The following DDX56 variants were observed in gnomAD, a reference collection of about 807,000 sequenced individuals.
DDX56 encodes the protein probable ATP-dependent RNA helicase DDX56.
DDX56 carries 45 observed loss-of-function variants against 61.5 expected under a neutral mutation model. The observed-to-expected ratio is 0.73, with a 90% CI of 0.58 to 0.94. DDX56 has a LOEUF of 0.94. Ranked by LOEUF, DDX56 falls within the 40% of genes least tolerant of loss-of-function variation. The pLI is 0.00. For missense variants in DDX56, 708 were observed against 690.7 expected, an observed-to-expected ratio of 1.02 and a Z score of -0.28; for synonymous variants, 273 against 268.3, an observed-to-expected ratio of 1.02 and a Z score of -0.17.
chr7:44,565,946 G>C lies in DDX56; in HGVS notation c.*56C>G. The C allele has an allele frequency of 7.3e-7, 1 of 1,378,836 alleles. No individual in the cohort carries two copies. The highest frequency in any genetic ancestry group is 1.2e-5 in the South Asian group (1 of 83,584). 85.4% of individuals were successfully genotyped at this position (1,378,836 alleles called of 1,614,324 possible). Reference sequence around the variant, plus strand: ...AAGCACCAGAGCCTCGCCTGTCCACGAAGGGTGTAAGCCTGTGCTCCACAA... The same window carrying C: ...AAGCACCAGAGCCTCGCCTGTCCACCAAGGGTGTAAGCCTGTGCTCCACAA... On this transcript the variant is annotated 3_prime_UTR_variant, in exon 14 of 14. Transcript: ENST00000258772.
Position 44,566,495 on chromosome 7 carries a change from G to T in DDX56, c.1519C>A (p.Pro507Thr). ...GACAGCTTCTTCCGCTTCTTGTGAGGGCGCACCAGGCCACGGAGAGCAGGA... is the reference window on the plus strand; with the variant it reads ...GACAGCTTCTTCCGCTTCTTGTGAGTGCGCACCAGGCCACGGAGAGCAGGA... ...VPPALRGLVR[P>T]HKKRKKLSSS... The change falls in exon 13 of 14, where the codon CCT (proline) becomes ACT (threonine). Residue 507 changes from proline to threonine, a missense_variant. By Grantham distance (38) the Pro-to-Thr change is conservative (BLOSUM62 -1). Coordinates refer to ENST00000258772, the MANE Select transcript of DDX56 (RefSeq NM_019082.4). 1 of 1,568,044 alleles carries T rather than the reference G, an allele frequency of 6.4e-7. No homozygotes were observed. The highest frequency in any genetic ancestry group is 1.4e-5 in the African/African-American group (1 of 73,574).
chr7:44,568,738 G>C (rs949351614), intron 11 of DDX56, among the ~76,000 whole-genome samples, 165 bp downstream of exon 11: 6 of 151,850 alleles, frequency 4.0e-5, no homozygotes, highest in African/African-American at 1.5e-4. Context: ...CCACCAAGCA[G>C]AACAGACTGG....
chr7:44,570,668 C>T (rs375431186), intron 7 of DDX56, 90 bp downstream of exon 7: 3 of 1,504,352 alleles, frequency 2.0e-6, no homozygotes. Flanking sequence ...AGGTTTGGCT[C>T]CCTGCTCTGT....
At chr7:44,568,071 G>T in intron 12 of DDX56, 47 bp downstream of exon 12, 1 of 1,461,866 alleles carries the variant, frequency 6.8e-7, no homozygotes, top group Non-Finnish European at 9.6e-7. Flanking sequence ...AGAAATTAAT[G>T]CCACTTCCCC....
chr7:44,573,555 T>C (rs1424755186), intron 2 of DDX56, 28 bp downstream of exon 2: 2 of 1,605,850 alleles, frequency 1.2e-6, no homozygotes, highest in Admixed American at 1.7e-5. Flanking sequence ...CTTGCCTCCT[T>C]CCTCCCCTCA....
In DDX56 at chr7:44,572,558, C is replaced by T; in HGVS notation, c.554+16G>A. On this transcript the variant is annotated intron_variant, in intron 4 of 13. Transcript: ENST00000258772. Reference sequence around the variant, plus strand: ...ACAGATGTTTCCACTAGGAATCACACCCACCTCTGCCTTACCAGAGGAGAC... The same window carrying T: ...ACAGATGTTTCCACTAGGAATCACATCCACCTCTGCCTTACCAGAGGAGAC... The T allele has an allele frequency of 6.2e-7, 1 of 1,613,856 alleles. No individual in the cohort carries two copies. Among genetic ancestry groups the T allele is most frequent in the Non-Finnish European group, 8.5e-7 (1 of 1,179,864 alleles).
chr7:44,569,766 G>A (rs1159427789), intron 9 of DDX56, 43 bp downstream of exon 9: 2 of 1,519,100 alleles, frequency 1.3e-6, no homozygotes, highest in Admixed American at 1.8e-5. Context: ...CATTGTGGAA[G>A]AAGCCTGACC....
In DDX56 at chr7:44,566,028, A is replaced by G; in HGVS notation, c.1618T>C (p.Phe540Leu). 6.2e-7 allele frequency: 1 copy of G among 1,613,028 alleles called. No individual in the cohort carries two copies. Among genetic ancestry groups the G allele is most frequent in the Non-Finnish European group, 8.5e-7 (1 of 1,179,894 alleles). ...LRSFKHKGKK[F>L]RPTAKPS Reference sequence around the variant, plus strand: ...CAGGAGGGCTTGGCTGTGGGTCTGAATTTCTTTCCTTTGTGCTTGAAGCTG... The same window carrying G: ...CAGGAGGGCTTGGCTGTGGGTCTGAGTTTCTTTCCTTTGTGCTTGAAGCTG... Residue 540 changes from phenylalanine to leucine, a missense_variant, in exon 14 of 14, where the codon TTC becomes CTC. Phe to Leu is a conservative substitution (Grantham distance 22). Coordinates refer to ENST00000258772, the MANE Select transcript of DDX56 (RefSeq NM_019082.4).
intron 13 of DDX56, 108 bp from the exon 14 acceptor site, chr7:44,566,187 G>A (rs1487995945): frequency 5.9e-6 from 4 of 677,720 alleles, no homozygotes; most frequent in Non-Finnish European, 9.7e-6. Flanking sequence ...CCGGCAACTG[G>A]CCAACACGAC....
At chr7:44,573,277 T>C (rs887550322) in intron 2 of DDX56, among the ~76,000 whole-genome samples, 3 of 152,230 alleles carry the variant, frequency 2.0e-5, no homozygotes, top group Admixed American at 6.5e-5. Context: ...ACTTTAAATA[T>C]ACTAGTTATG....
Position 44,573,729 on chromosome 7 carries a change from C to A in DDX56, c.76G>T (p.Gly26Cys). Residue 26 changes from glycine to cysteine, a missense_variant, in exon 2 of 14, where the codon GGC (glycine) becomes TGC (cysteine). Gly to Cys is a radical substitution (Grantham distance 159). Coordinates refer to ENST00000258772, the MANE Select transcript of DDX56 (RefSeq NM_019082.4). The part of the protein sequence containing the change: ...PRLLQAVTDL[G>C]WSRPTLIQEK... ...TGGATCAGCGTAGGTCGCGACCAGCCCAGATCGGTGACAGCCTAGGAGACC... is the reference window on the plus strand; with the variant it reads ...TGGATCAGCGTAGGTCGCGACCAGCACAGATCGGTGACAGCCTAGGAGACC... 6.2e-7 allele frequency: 1 copy of A among 1,613,606 alleles called. No homozygotes were observed. The highest frequency in any genetic ancestry group is 8.5e-7 in the Non-Finnish European group (1 of 1,179,996).
rs200221938 is a variant in DDX56, at chr7:44,572,987, G to C, written c.286C>G (p.Arg96Gly). The change falls in exon 3 of 14, where the codon CGG becomes GGG. Residue 96 changes from arginine (R) to glycine (G), a missense_variant. Transcript: ENST00000258772. ...TGCTGAATCATGGACTGTGCTTGCC[G>C]TGCCAGCTCCTTGGTAGGAACAAGA... is the stretch of plus-strand genomic sequence containing the variant. ...LVLVPTKELA[R>G]QAQSMIQQLA... is the part of the protein sequence containing the mutation. 5 of 1,612,966 alleles carry C rather than the reference G, an allele frequency of 3.1e-6. No individual in the cohort carries two copies. The East Asian group carries it at 1.1e-4, about 36-fold the overall frequency.
In DDX56 at chr7:44,566,068, G is replaced by A. The variant is rs1315738927; in HGVS notation, c.1578C>T (p.Ser526=). 6.2e-7 allele frequency: 1 copy of A among 1,611,392 alleles called. No individual in the cohort carries two copies. The highest frequency in any genetic ancestry group is 1.1e-5 in the South Asian group (1 of 90,552). The change falls in exon 14 of 14, where the codon TCC becomes TCT. Residue 526 remains serine (S), a synonymous_variant. Coordinates refer to ENST00000258772, the MANE Select transcript of DDX56 (RefSeq NM_019082.4). ...GCTTGAAGCTGCGCAGTGGGTTCTG[G>A]GACTTTGCTCTCTAAGGAGGCAAAG... ...SSCRKAKRAK[S]QNPLRSFKHK...
Position 44,566,352 on chromosome 7 carries a change from C to G in DDX56, c.1566+96G>C, listed in dbSNP as rs373938999. ...TCCCCTCCCTAGGGCACCCTCTCTTCCCCTCCCTAGGGCAAGGCGCCTCCA... is the reference window on the plus strand; with the variant it reads ...TCCCCTCCCTAGGGCACCCTCTCTTGCCCTCCCTAGGGCAAGGCGCCTCCA... On this transcript the variant is annotated intron_variant, in intron 13 of 13. Coordinates refer to ENST00000258772, the MANE Select transcript of DDX56 (RefSeq NM_019082.4). 1.6e-4 allele frequency: 187 copies of G among 1,188,318 alleles called. No individual in the cohort carries two copies. The East Asian group carries it at 3.0e-3, about 19-fold the overall frequency. The allele number at this position is 1,188,318 out of a possible 1,614,324, so 73.6% of individuals were successfully genotyped here.
Position 44,572,409 on chromosome 7 carries a change from G to C in DDX56, c.583C>G (p.Leu195Val). ...TCCTCGTTAAAAGTAGCTGACATGA[G>C]AAAAGCCTGGTAAATCCGGGGCAAG... The part of the protein sequence containing the change: ...CHLPRIYQAF[L>V]MSATFNEDVQ... Residue 195 changes from leucine to valine, a missense_variant, in exon 5 of 14, where the codon CTC (leucine) becomes GTC (valine). By Grantham distance (32) the Leu-to-Val change is conservative (BLOSUM62 1). Transcript: ENST00000258772. 6.2e-7 allele frequency: 1 copy of C among 1,614,096 alleles called. No homozygotes were observed. Among genetic ancestry groups the C allele is most frequent in the Non-Finnish European group, 8.5e-7 (1 of 1,180,032 alleles).
Position 44,571,551 on chromosome 7 carries a change from G to A in DDX56, c.831C>T (p.Phe277=), listed in dbSNP as rs755220533. 19 of 1,614,014 alleles carry A rather than the reference G, an allele frequency of 1.2e-5. No individual in the cohort carries two copies. The highest frequency in any genetic ancestry group is 1.7e-5 in the Admixed American group (1 of 60,006). The change falls in exon 6 of 14, where the codon TTC becomes TTT. Residue 277 remains phenylalanine (F), a synonymous_variant. Coordinates refer to ENST00000258772, the MANE Select transcript of DDX56 (RefSeq NM_019082.4). ...TLERSYRLRL[F]LEQFSIPTCV... is the part of the protein sequence containing the mutation. ...AGGTGGGGATGCTGAACTGTTCCAAGAACAGGCGTAGCCGGTAACTCCGTT... is the reference window on the plus strand; with the variant it reads ...AGGTGGGGATGCTGAACTGTTCCAAAAACAGGCGTAGCCGGTAACTCCGTT...
chr7:44,568,309 A>G (rs1348125193), intron 11 of DDX56, 86 bp from the exon 12 acceptor site: 4 of 963,720 alleles, frequency 4.2e-6, no homozygotes, highest in Admixed American at 2.7e-5. Flanking sequence ...TAACACACTC[A>G]TGTGTTTCAA....
rs147221583 is a variant in DDX56, at chr7:44,573,780, G to A, written c.61-36C>T. On this transcript the variant is annotated intron_variant, in intron 1 of 13. Coordinates refer to ENST00000258772, the MANE Select transcript of DDX56 (RefSeq NM_019082.4). The stretch of plus-strand genomic sequence containing the variant: ...AGGAGTGCGGTTTAAGCGGCGTGAA[G>A]AGCGATGGCGCGCCCCGCAGAGCCC... 5.2e-3 allele frequency: 8,443 copies of A among 1,613,442 alleles called. 29 individuals are homozygous for A. Among genetic ancestry groups the A allele is most frequent in the Non-Finnish European group, 5.7e-3 (6,719 of 1,180,020 alleles).
At chr7:44,573,198 A>C (rs1802725452) in intron 2 of DDX56, 148 bp from the exon 3 acceptor site, 1 of 707,878 alleles carries the variant, frequency 1.4e-6, no homozygotes, top group South Asian at 2.1e-5. Flanking sequence ...CTCAGAATGC[A>C]GAGTGGAGAG....
Sources: gnomAD v4.1 joint callset for allele counts (sites outside exome capture counted in the v4.1 genomes callset) on GRCh38, gnomAD v4.1.1 for gene constraint, MANE v1.5 for transcripts, NCBI Gene and HGNC (gene_info 2026-07-23, HGNC 2026-07-21) for gene names.